Variants in RAD51AP2 observed in about 807,000 individuals in gnomAD.
RAD51AP2 encodes the protein RAD51-associated protein 2.
Under a neutral mutation model 85.5 loss-of-function variants are expected in RAD51AP2, and 67 were observed. The ratio of observed to expected loss-of-function variants is 0.78; its 90% CI spans 0.64 to 0.96. The LOEUF is 0.96. Among genes scored for constraint, RAD51AP2 ranks in the 40% least tolerant of loss-of-function variants. The pLI is 0.00. For synonymous variants in RAD51AP2, 474 were observed against 446.5 expected, an observed-to-expected ratio of 1.06 and a Z score of -0.78; for missense variants, 1,307 against 1,332.4, an observed-to-expected ratio of 0.98 and a Z score of 0.30.
Position 17,517,756 on chromosome 2 carries a change from T to A in RAD51AP2, c.660A>T (p.Ser220=). The A allele has an allele frequency of 6.2e-7, 1 of 1,613,716 alleles. No homozygotes were observed. Among genetic ancestry groups the A allele is most frequent in the Non-Finnish European group, 8.5e-7 (1 of 1,179,842 alleles). The part of the protein sequence containing the change: ...NRCKANSVVP[S]NKRENNISSS... ...ATGAAATGTTATTTTCTCTTTTATT[T>A]GATGGCACAACACTGTTAGCTTTAC... The change falls in exon 1 of 3, where the codon TCA becomes TCT. Residue 220 remains serine, a synonymous_variant. Coordinates refer to ENST00000399080, the MANE Select transcript of RAD51AP2 (RefSeq NM_001099218.3).
the RAD51AP2 span, among the ~76,000 whole-genome samples, chr2:17,534,115 G>T: frequency 2.0e-5 from 3 of 151,974 alleles, no homozygotes; most frequent in Non-Finnish European, 4.4e-5. Flanking sequence ...TGAGTTTTGA[G>T]GCAAAATGTA....
rs1177569326 is a variant in RAD51AP2 at position 17,517,311 on chromosome 2, T to C, written c.1105A>G (p.Ile369Val). The C allele has an allele frequency of 2.5e-6, 4 of 1,613,958 alleles. No homozygotes were observed. Among genetic ancestry groups the C allele is most frequent in the Admixed American group, 1.7e-5 (1 of 59,992 alleles). The change falls in exon 1 of 3, where the codon ATA becomes GTA. Residue 369 changes from isoleucine to valine, a missense_variant. Ile to Val is a conservative substitution (Grantham distance 29). Coordinates refer to ENST00000399080, the MANE Select transcript of RAD51AP2 (RefSeq NM_001099218.3). ...NVRDSRKNFA[I>V]LENANWEEAE... Reference sequence around the variant, plus strand: ...TCCTCCCAATTTGCATTTTCTAGTATAGCGAAATTCTTTCTAGAGTCTCTT... The same window carrying C: ...TCCTCCCAATTTGCATTTTCTAGTACAGCGAAATTCTTTCTAGAGTCTCTT...
chr2:17,524,107 G>A, the RAD51AP2 span, among the ~76,000 whole-genome samples: 1 of 151,866 alleles, frequency 6.6e-6, no homozygotes, highest in Non-Finnish European at 1.5e-5. Context: ...GCCGAATCAG[G>A]CTGTTCACAA....
rs746570414 is a variant in RAD51AP2, at chr2:17,517,103, A to G, written c.1313T>C (p.Ile438Thr). The G allele has an allele frequency of 1.2e-6, 2 of 1,612,424 alleles. No homozygotes were observed. The highest frequency in any genetic ancestry group is 1.7e-6 in the Non-Finnish European group (2 of 1,179,260). The change falls in exon 1 of 3, where the codon ATA (isoleucine) becomes ACA (threonine). Residue 438 changes from isoleucine (I) to threonine (T), a missense_variant. Around this residue, in one of 3 missense-constraint regions of RAD51AP2, gnomAD observed 635 missense variants for 643.6 expected, o/e 0.99. Coordinates refer to ENST00000399080, the MANE Select transcript of RAD51AP2 (RefSeq NM_001099218.3). ...EKWNWLLLLEIDLLSKEDYHC... is the reference protein window; with the variant it reads ...EKWNWLLLLETDLLSKEDYHC... ...GTAATCTTCCTTGCTTAAAAGGTCT[A>G]TTTCTAATAATAATAGCCAATTCCA...
the RAD51AP2 span, among the ~76,000 whole-genome samples, chr2:17,530,539 C>T: frequency 0.019 from 2,574 of 135,210 alleles, 38 homozygotes; most frequent in South Asian, 0.03. Flanking sequence ...CAAGATTGTG[C>T]CACTGCACTG....
chr2:17,537,056 A>G, the RAD51AP2 span, among the ~76,000 whole-genome samples: 1 of 152,266 alleles, frequency 6.6e-6, no homozygotes, highest in Admixed American at 6.5e-5. Flanking sequence ...AAGATGGCTC[A>G]TGCCTATAAT....
Position 17,517,213 on chromosome 2 carries a change from A to G in RAD51AP2, c.1203T>C (p.His401=). The G allele has an allele frequency of 6.2e-7, 1 of 1,613,696 alleles. No homozygotes were observed. The highest frequency in any genetic ancestry group is 8.5e-7 in the Non-Finnish European group (1 of 1,179,872). ...KSQNWDCNVR[H]ILRRNRGNCW... ...AATTTCCTCTATTTCTTCTCAAAATATGTCTAACGTTACAGTCCCAGTTTT... is the reference window on the plus strand; with the variant it reads ...AATTTCCTCTATTTCTTCTCAAAATGTGTCTAACGTTACAGTCCCAGTTTT... Residue 401 remains histidine (H), a synonymous_variant, in exon 1 of 3, where the codon CAT becomes CAC. Coordinates refer to ENST00000399080, the MANE Select transcript of RAD51AP2 (RefSeq NM_001099218.3).
Position 17,518,249 on chromosome 2 carries a change from C to A in RAD51AP2, c.167G>T (p.Arg56Leu). The A allele has an allele frequency of 6.2e-7, 1 of 1,614,124 alleles. No individual in the cohort carries two copies. The highest frequency in any genetic ancestry group is 8.5e-7 in the Non-Finnish European group (1 of 1,180,012). ...CCAGACTTTTTCCGCCTCAGACAAG[C>A]GAGGCACCAGAGGCAGTCGCCAGCC... ...KAGWRLPLVP[R>L]LSEAEKVWEL... The change falls in exon 1 of 3, where the codon CGC becomes CTC. Residue 56 changes from arginine to leucine, a missense_variant. This residue lies in a region of RAD51AP2 where 635 missense variants were observed against 643.6 expected (regional missense o/e 0.99). Transcript: ENST00000399080.
At chr2:17,529,897 C>T in the RAD51AP2 span, among the ~76,000 whole-genome samples, 1 of 152,176 alleles carries the variant, frequency 6.6e-6, no homozygotes, top group South Asian at 2.1e-4. Flanking sequence ...TCTAGGAACA[C>T]TATAAACTAC....
the RAD51AP2 span, among the ~76,000 whole-genome samples, chr2:17,536,224 C>G: frequency 6.6e-5 from 10 of 151,892 alleles, no homozygotes; most frequent in African/African-American, 2.4e-4. Flanking sequence ...TTTTGAAGAC[C>G]CTTCTGGACT....
At chr2:17,521,080 A>T (rs1278454603), upstream of RAD51AP2, among the ~76,000 whole-genome samples, 4 of 152,044 alleles carry the variant, frequency 2.6e-5, no homozygotes, top group African/African-American at 9.7e-5. Context: ...CAGGACAAGG[A>T]TTTATTAATT....
At chr2:17,522,467 C>T (rs1489032370), upstream of RAD51AP2, among the ~76,000 whole-genome samples, 4 of 151,756 alleles carry the variant, frequency 2.6e-5, no homozygotes, top group Non-Finnish European at 4.4e-5. Context: ...TAAATTTCTC[C>T]GCATTATTAT....
Position 17,515,992 on chromosome 2 carries a change from G to A in RAD51AP2, c.2424C>T (p.Thr808=), listed in dbSNP as rs1399077284. The A allele has an allele frequency of 1.9e-6, 3 of 1,613,302 alleles. No homozygotes were observed. Among genetic ancestry groups the A allele is most frequent in the Admixed American group, 3.3e-5 (2 of 59,912 alleles). The part of the protein sequence containing the change: ...HNIIHNEETH[T]TSITQVLNFW... ...AATTTAGTACTTGAGTTATAGAAGT[G>A]GTATGGGTCTCTTCATTATGTATTA... Residue 808 remains threonine (T), a synonymous_variant, in exon 1 of 3, where the codon ACC becomes ACT. Coordinates refer to ENST00000399080, the MANE Select transcript of RAD51AP2 (RefSeq NM_001099218.3).
rs1439170560 is a variant in RAD51AP2, at chr2:17,516,347, A to C, written c.2069T>G (p.Leu690Arg). Residue 690 changes from leucine (L) to arginine (R), a missense_variant, in exon 1 of 3, where the codon CTT becomes CGT. By Grantham distance (102) the Leu-to-Arg change is moderately radical. This residue lies in a region of RAD51AP2 where 668 missense variants were observed against 671.0 expected (regional missense o/e 1.00). Coordinates refer to ENST00000399080, the MANE Select transcript of RAD51AP2 (RefSeq NM_001099218.3). The part of the protein sequence containing the change: ...PIFETYEKIP[L>R]LMDFDDMDEI... ...ATCCATGTCATCAAAGTCCATTAAA[A>C]GGGGAATTTTTTCATATGTTTCAAA... is the stretch of plus-strand genomic sequence containing the variant. 1 of 1,611,964 alleles carries C rather than the reference A, an allele frequency of 6.2e-7. No homozygotes were observed. Among genetic ancestry groups the C allele is most frequent in the Admixed American group, 1.7e-5 (1 of 59,670 alleles).
intron 2 of RAD51AP2, 128 bp from the exon 3 acceptor site, chr2:17,511,083 C>T: frequency 2.0e-6 from 1 of 490,626 alleles, no homozygotes; most frequent in Non-Finnish European, 3.4e-6. Context: ...ATGTGCCAGA[C>T]ACTATACTTT....
the RAD51AP2 span, among the ~76,000 whole-genome samples, chr2:17,523,642 T>C: frequency 6.6e-6 from 1 of 151,942 alleles, no homozygotes; most frequent in African/African-American, 2.4e-5. Context: ...AAAAACCTCA[T>C]TTAAAAATAA....
At chr2:17,535,664 T>C in the RAD51AP2 span, among the ~76,000 whole-genome samples, 1 of 152,034 alleles carries the variant, frequency 6.6e-6, no homozygotes, top group African/African-American at 2.4e-5. Context: ...ACTGGGTTGA[T>C]AGTGGGCATC....
In RAD51AP2 at chr2:17,510,689, A is replaced by G. The variant is rs1044278590; in HGVS notation, c.*115T>C. On this transcript the variant is annotated 3_prime_UTR_variant, in exon 3 of 3. Transcript: ENST00000399080. Reference sequence around the variant, plus strand: ...ATACCATAATTTATACACTCAAAAAAAAAAACTTCTCCACTTTATAATAAA... The same window carrying G: ...ATACCATAATTTATACACTCAAAAAGAAAAACTTCTCCACTTTATAATAAA... 8.6e-6 allele frequency: 5 copies of G among 582,498 alleles called. No homozygotes were observed. In the South Asian group the frequency reaches 1.3e-4, roughly 15 times the overall value. 36.1% of individuals were successfully genotyped at this position (582,498 alleles called of 1,614,324 possible).
chr2:17,525,722 C>T, the RAD51AP2 span, among the ~76,000 whole-genome samples: 1 of 152,034 alleles, frequency 6.6e-6, no homozygotes, highest in African/African-American at 2.4e-5. Context: ...CTTCCACAAG[C>T]TAATCCCACA....
Sources: allele counts gnomAD v4.1 joint callset (sites outside exome capture counted in the v4.1 genomes callset), GRCh38; gene constraint gnomAD v4.1.1; regional missense constraint gnomAD v4.1.1; transcripts MANE v1.5; gene names NCBI Gene and HGNC (gene_info 2026-07-23, HGNC 2026-07-21).